The following ADCY2 variants were observed in gnomAD, a reference collection of about 807,000 sequenced individuals.
ADCY2 encodes adenylate cyclase type 2.
In ADCY2, 31 loss-of-function variants were observed where a neutral mutation model predicts 125.2. The ratio of observed to expected loss-of-function variants is 0.25; its 90% CI spans 0.19 to 0.33. The LOEUF (loss-of-function observed/expected upper bound fraction) is 0.33, where lower values mean the gene tolerates loss of function less well. ADCY2 is among the 10% of genes least tolerant of loss of function. The probability of loss-of-function intolerance (pLI) is 1.00; values close to 1 mark genes in which losing one functional copy is unlikely to be tolerated. For synonymous variants in ADCY2, 512 were observed against 548.4 expected, an observed-to-expected ratio of 0.93 and a Z score of 0.93; for missense variants, 904 against 1,418.2, an observed-to-expected ratio of 0.64 and a Z score of 5.82.
At chr5:7,510,420 C>T (rs1382775030) in intron 2 of ADCY2, among the ~76,000 whole-genome samples, 5 of 152,154 alleles carry the variant, frequency 3.3e-5, no homozygotes, top group African/African-American at 1.2e-4. Context: ...CACTGACAAC[C>T]CTTCGGAGCA....
At chr5:7,823,887 T>G (rs1745381330) in intron 24 of ADCY2, among the ~76,000 whole-genome samples, 1 of 152,098 alleles carries the variant, frequency 6.6e-6, no homozygotes, top group South Asian at 2.1e-4. Context: ...TAAAGCTCCA[T>G]GCGACTCAGG....
chr5:7,643,532 A>C (rs1169253555), intron 4 of ADCY2, among the ~76,000 whole-genome samples: 4 of 151,784 alleles, frequency 2.6e-5, no homozygotes, highest in African/African-American at 9.7e-5. Context: ...TGCTTACAGG[A>C]AAGGCTCATC....
At chr5:7,526,690 A>T (rs1734478659) in intron 3 of ADCY2, among the ~76,000 whole-genome samples, 1 of 152,214 alleles carries the variant, frequency 6.6e-6, no homozygotes, top group African/African-American at 2.4e-5. Flanking sequence ...TGAAAGAGGA[A>T]GAGATATTTT....
At chr5:7,640,799 G>T (rs1410271745) in intron 4 of ADCY2, among the ~76,000 whole-genome samples, 1 of 152,082 alleles carries the variant, frequency 6.6e-6, no homozygotes, top group East Asian at 1.9e-4. Context: ...TTGTCTCTAT[G>T]CAATGACTAG....
At chr5:7,683,578 G>A (rs889929749) in intron 4 of ADCY2, among the ~76,000 whole-genome samples, 2 of 152,144 alleles carry the variant, frequency 1.3e-5, no homozygotes, top group African/African-American at 4.8e-5. Flanking sequence ...GAGGCCCACA[G>A]TGGCTCTTAA....
intron 3 of ADCY2, among the ~76,000 whole-genome samples, chr5:7,578,991 A>C (rs7723632): frequency 0.058 from 8,895 of 152,262 alleles, 317 homozygotes; most frequent in Middle Eastern, 0.11. Flanking sequence ...TGAATTGAGA[A>C]AGTCATTGTC....
At chr5:7,660,520 T>C (rs944008247) in intron 4 of ADCY2, among the ~76,000 whole-genome samples, 8 of 152,154 alleles carry the variant, frequency 5.3e-5, no homozygotes, top group Admixed American at 5.2e-4. Flanking sequence ...GCTTATGCAA[T>C]CACAGGTGCT....
At chr5:7,660,146 C>T (rs993410190) in intron 4 of ADCY2, among the ~76,000 whole-genome samples, 3 of 146,496 alleles carry the variant, frequency 2.0e-5, no homozygotes, top group Non-Finnish European at 4.5e-5. Flanking sequence ...GCAATTTACC[C>T]ATTTAACAAA....
chr5:7,440,349 G>A lies in ADCY2; in HGVS notation c.408+25579G>A, dbSNP rs138337945. On this transcript the variant is annotated intron_variant, in intron 2 of 24. Coordinates refer to ENST00000338316, the MANE Select transcript of ADCY2 (RefSeq NM_020546.3). ...ATGATTCACTGAAGAAATACACTGC[G>A]CGCACTCAGCTTTTATGATTATGCT... is the stretch of plus-strand genomic sequence containing the variant. Among the ~76,000 whole-genome samples the A allele has an allele frequency of 1.8e-4, 27 of 152,232 alleles. No homozygotes were observed. In the East Asian group the frequency reaches 4.3e-3, roughly 24 times the overall value.
intron 3 of ADCY2, among the ~76,000 whole-genome samples, chr5:7,613,299 A>G (rs112469391): frequency 0.019 from 2,848 of 152,296 alleles, 88 homozygotes; most frequent in African/African-American, 0.065. Flanking sequence ...ATGCAGGCTG[A>G]TATGGTGTGT....
intron 2 of ADCY2, among the ~76,000 whole-genome samples, chr5:7,513,197 G>A (rs888475305): frequency 2.6e-5 from 4 of 151,980 alleles, no homozygotes; most frequent in South Asian, 4.2e-4. Flanking sequence ...TTGAGAAATA[G>A]GGTAATCATA....
chr5:7,697,762 G>A (rs1257561972), intron 6 of ADCY2, among the ~76,000 whole-genome samples: 6 of 152,182 alleles, frequency 3.9e-5, no homozygotes, highest in Non-Finnish European at 7.3e-5. Flanking sequence ...TCTATCAGAA[G>A]TGACATATCT....
chr5:7,657,196 A>G (rs1462593633), intron 4 of ADCY2, among the ~76,000 whole-genome samples: 8 of 152,230 alleles, frequency 5.3e-5, no homozygotes, highest in Non-Finnish European at 1.0e-4. Context: ...AGCATTTTGA[A>G]TAAAGGATGC....
chr5:7,514,686 A>G (rs1561068172), intron 2 of ADCY2, among the ~76,000 whole-genome samples: 2 of 152,210 alleles, frequency 1.3e-5, no homozygotes, highest in Admixed American at 6.5e-5. Flanking sequence ...CCCAAATCCA[A>G]TGACTGGGGT....
intron 2 of ADCY2, among the ~76,000 whole-genome samples, chr5:7,514,730 C>A (rs557828153): frequency 6.6e-6 from 1 of 152,138 alleles, no homozygotes; most frequent in African/African-American, 2.4e-5. Context: ...GACAGAGATA[C>A]ACGGAGAAGA....
chr5:7,461,924 C>T (rs1288400502), intron 2 of ADCY2, among the ~76,000 whole-genome samples: 1 of 152,182 alleles, frequency 6.6e-6, no homozygotes, highest in African/African-American at 2.4e-5. Flanking sequence ...AAGGGAAAGT[C>T]CTATCATTCC....
At chr5:7,813,819 G>A (rs1745015454) in intron 22 of ADCY2, among the ~76,000 whole-genome samples, 1 of 152,214 alleles carries the variant, frequency 6.6e-6, no homozygotes, top group African/African-American at 2.4e-5. Context: ...AAGGAGCGGA[G>A]CTTGTTTGCT....
chr5:7,479,559 C>A (rs1295107352), intron 2 of ADCY2, among the ~76,000 whole-genome samples: 1 of 152,086 alleles, frequency 6.6e-6, no homozygotes, highest in Non-Finnish European at 1.5e-5. Flanking sequence ...GTATCTATCA[C>A]CCCAAGGATT....
chr5:7,432,515 G>A (rs905603989), intron 2 of ADCY2, among the ~76,000 whole-genome samples: 2 of 152,110 alleles, frequency 1.3e-5, no homozygotes, highest in African/African-American at 2.4e-5. Context: ...TCCTGGACCC[G>A]CTCACCTTCG....
Sources: allele counts gnomAD v4.1 joint callset (sites outside exome capture counted in the v4.1 genomes callset), GRCh38; gene constraint gnomAD v4.1.1; transcripts MANE v1.5; gene names NCBI Gene and HGNC (gene_info 2026-07-23, HGNC 2026-07-21).